The following KCNMA1 variants were observed in gnomAD, a reference collection of about 807,000 sequenced individuals.
The protein encoded by KCNMA1 is Calcium-activated potassium channel subunit alpha-1.
A neutral mutation model predicts 140.0 loss-of-function variants in KCNMA1; 29 were observed. That is an observed-to-expected ratio of 0.21 (90% CI 0.15 to 0.28). The LOEUF is 0.28. Among genes scored for constraint, KCNMA1 ranks in the 10% least tolerant of loss-of-function variants. The pLI, the probability that KCNMA1 is intolerant of heterozygous loss-of-function variation, is 1.00. For synonymous variants in KCNMA1, 612 were observed against 611.9 expected (o/e 1.00, Z 0.00); for missense variants, 880 against 1,602.2 (o/e 0.55, Z 7.70).
Position 77,090,456 on chromosome 10 carries a change from C to T in KCNMA1, c.1278G>A (p.Lys426=), listed in dbSNP as rs867023595. The change falls in exon 10 of 28, where the codon AAG becomes AAA. Residue 426 remains lysine (K), a synonymous_variant. Coordinates refer to ENST00000286628, the MANE Select transcript of KCNMA1 (RefSeq NM_001161352.2). ...ITLESVSNFL[K]DFLHKDRDDV... ...CATCCCGGTCCTTGTGCAGAAAGTC[C>T]TTCAGGAAGTTGGAAACACTCTCCA... 6.2e-7 allele frequency: 1 copy of T among 1,614,118 alleles called. No individual in the cohort carries two copies. The highest frequency in any genetic ancestry group is 8.5e-7 in the Non-Finnish European group (1 of 1,179,990).
At chr10:77,227,025 C>T (rs1247056984) in intron 3 of KCNMA1, among the ~76,000 whole-genome samples, 1 of 152,170 alleles carries the variant, frequency 6.6e-6, no homozygotes, top group Non-Finnish European at 1.5e-5. Flanking sequence ...TTTATATAAG[C>T]TGACTTCCCC....
At position 77,324,971 on chromosome 10, in the gene KCNMA1, C is replaced by CTCTCTCTCTGTG. The variant is rs766240356; in HGVS notation, c.541-73716_541-73715insCACAGAGAGAGA. 9.2e-3 allele frequency among the ~76,000 whole-genome samples: 828 copies of CTCTCTCTCTGTG among 90,372 alleles called. 5 individuals are homozygous for CTCTCTCTCTGTG. Among genetic ancestry groups the CTCTCTCTCTGTG allele is most frequent in the South Asian group, 0.019 (40 of 2,080 alleles). The allele number at this position is 90,372 out of a possible 152,430, so 59.3% of individuals were successfully genotyped here. On this transcript the variant is annotated intron_variant, in intron 2 of 27. Transcript: ENST00000286628. Reference sequence around the variant, plus strand: ...TCTCTCTCTCTCTCTCTCTCTCTCTCTGTGTGTGTGTGTGTGTGTGTGTGT... The same window carrying CTCTCTCTCTGTG: ...TCTCTCTCTCTCTCTCTCTCTCTCTCTCTCTCTCTGTGTGTGTGTGTGTGTGTGTGTGTGTGT...
At chr10:77,510,077 C>T (rs756364924) in intron 1 of KCNMA1, among the ~76,000 whole-genome samples, 6 of 152,150 alleles carry the variant, frequency 3.9e-5, no homozygotes, top group Non-Finnish European at 5.9e-5. Flanking sequence ...AAGCTCCAAG[C>T]GATGACAGGA....
chr10:77,453,064 T>C (rs957164033), intron 1 of KCNMA1, among the ~76,000 whole-genome samples: 2 of 152,170 alleles, frequency 1.3e-5, no homozygotes. Flanking sequence ...TTAACACTCA[T>C]TATCATGCAC....
At chr10:77,063,482 T>C (rs2095834007) in intron 14 of KCNMA1, among the ~76,000 whole-genome samples, 2 of 152,050 alleles carry the variant, frequency 1.3e-5, no homozygotes, top group Non-Finnish European at 1.5e-5. Flanking sequence ...TGAAAAGTGC[T>C]GTGCAAACGT....
At chr10:77,243,948 C>G (rs1565454817) in intron 3 of KCNMA1, among the ~76,000 whole-genome samples, 1 of 152,180 alleles carries the variant, frequency 6.6e-6, no homozygotes, top group Non-Finnish European at 1.5e-5. Flanking sequence ...CACGCAGCCA[C>G]CTGGCTGGAT....
chr10:77,128,820 T>C (rs776463894), intron 5 of KCNMA1, among the ~76,000 whole-genome samples: 11 of 152,156 alleles, frequency 7.2e-5, no homozygotes, highest in Non-Finnish European at 1.2e-4. Flanking sequence ...TTCAAATCCA[T>C]TGTGCACATG....
chr10:77,550,581 T>C (rs941625101), intron 1 of KCNMA1, among the ~76,000 whole-genome samples: 2 of 152,224 alleles, frequency 1.3e-5, no homozygotes, highest in African/African-American at 2.4e-5. Flanking sequence ...GAACGGGCCC[T>C]GAAAACATTC....
At chr10:77,560,021 C>CA (rs35837413) in intron 1 of KCNMA1, among the ~76,000 whole-genome samples, 25,127 of 143,768 alleles carry the variant, frequency 0.17, 2,384 homozygotes, top group Middle Eastern at 0.26. Flanking sequence ...ACTAAAAATA[C>CA]AAAAAAAAAA....
chr10:77,023,035 G>A, intron 16 of KCNMA1: 1 of 430,086 alleles, frequency 2.3e-6, no homozygotes, highest in Non-Finnish European at 4.7e-6. Context: ...CAATTGGCTA[G>A]CGGGGCTCAG....
chr10:77,013,662 G>C (rs1163979591), intron 17 of KCNMA1, among the ~76,000 whole-genome samples: 2 of 152,172 alleles, frequency 1.3e-5, no homozygotes, highest in African/African-American at 2.4e-5. Flanking sequence ...ATAGAGAACA[G>C]ACTACATGTC....
chr10:77,050,147 T>C (rs1289031340), intron 14 of KCNMA1, among the ~76,000 whole-genome samples: 1 of 152,116 alleles, frequency 6.6e-6, no homozygotes, highest in South Asian at 2.1e-4. Flanking sequence ...TGTCTTCATT[T>C]TTTGGATTCC....
chr10:77,368,236 T>C (rs1598793), intron 2 of KCNMA1, among the ~76,000 whole-genome samples: 11,294 of 152,300 alleles, frequency 0.074, 857 homozygotes, highest in African/African-American at 0.19. Context: ...TCAGCCATTA[T>C]AATAGGTGTG....
intron 23 of KCNMA1, among the ~76,000 whole-genome samples, chr10:76,930,959 T>C (rs2059125141): frequency 6.6e-6 from 1 of 152,048 alleles, no homozygotes; most frequent in South Asian, 2.1e-4. Context: ...AAGCAGAAAG[T>C]AGAACAGTGG....
chr10:77,345,063 A>G (rs1189993442), intron 2 of KCNMA1, among the ~76,000 whole-genome samples: 1 of 152,242 alleles, frequency 6.6e-6, no homozygotes, highest in Non-Finnish European at 1.5e-5. Flanking sequence ...CAGATATTGT[A>G]AAACAGCCAG....
intron 2 of KCNMA1, among the ~76,000 whole-genome samples, chr10:77,402,254 C>G (rs1227634109): frequency 6.6e-6 from 1 of 152,196 alleles, no homozygotes; most frequent in African/African-American, 2.4e-5. Context: ...AGTCAAGAGG[C>G]AGGAGGAGAG....
rs7915443 is a variant in KCNMA1, at chr10:77,399,331, C to A, written c.540+4531G>T. ...ATATCCAAATTTCCCTCCGCATGAG[C>A]CGACTCCAAATCCCACAGTGGAATT... On this transcript the variant is annotated intron_variant, in intron 2 of 27. Coordinates refer to ENST00000286628, the MANE Select transcript of KCNMA1 (RefSeq NM_001161352.2). Among the ~76,000 whole-genome samples, 1,090 of 152,306 alleles carry A rather than the reference C, an allele frequency of 7.2e-3. 17 individuals are homozygous for A. Among genetic ancestry groups the A allele is most frequent in the African/African-American group, 0.025 (1,035 of 41,542 alleles).
intron 14 of KCNMA1, among the ~76,000 whole-genome samples, chr10:77,050,125 T>A (rs1594769726): frequency 6.6e-6 from 1 of 152,086 alleles, no homozygotes; most frequent in East Asian, 1.9e-4. Context: ...TCAGCCCTCC[T>A]TGTCTTCTCC....
intron 5 of KCNMA1, among the ~76,000 whole-genome samples, chr10:77,140,960 A>T (rs1324355420): frequency 1.3e-5 from 2 of 152,132 alleles, no homozygotes; most frequent in African/African-American, 4.8e-5. Context: ...GGGCCCACTA[A>T]GTCGTTTCTT....
Sources: gnomAD v4.1 joint callset for allele counts (sites outside exome capture counted in the v4.1 genomes callset) on GRCh38, gnomAD v4.1.1 for gene constraint, MANE v1.5 for transcripts, NCBI Gene and HGNC (gene_info 2026-07-23, HGNC 2026-07-21) for gene names.